Variants in SV2C observed in about 807,000 individuals in gnomAD.
SV2C encodes the protein solute carrier family 22 member B3.
In SV2C, 49 loss-of-function variants were observed where a neutral mutation model predicts 79.7. That is an observed-to-expected ratio of 0.61 (90% CI 0.49 to 0.78). The LOEUF (loss-of-function observed/expected upper bound fraction) is 0.78. SV2C is among the 30% of genes least tolerant of loss of function. SV2C has a pLI of 0.00. For synonymous variants in SV2C, 334 were observed against 333.2 expected, an observed-to-expected ratio of 1.00 and a Z score of -0.03; for missense variants, 833 against 912.9, an observed-to-expected ratio of 0.91 and a Z score of 1.13.
In SV2C at chr5:76,277,173, G is replaced by A. The variant is rs145098402; in HGVS notation, c.914-7989G>A. Among the ~76,000 whole-genome samples the A allele has an allele frequency of 7.2e-5, 11 of 152,344 alleles. No individual in the cohort carries two copies. The East Asian group carries it at 2.1e-3, about 29-fold the overall frequency. The stretch of plus-strand genomic sequence containing the variant: ...GTGGGAATTCAAAATGGCACAACCA[G>A]TGTGCAAAATGGTTTGGCAGTCTGC... On this transcript the variant is annotated intron_variant, in intron 4 of 12. Transcript: ENST00000502798.
chr5:76,270,573 C>T (rs1746814441), intron 4 of SV2C, among the ~76,000 whole-genome samples: 2 of 152,090 alleles, frequency 1.3e-5, no homozygotes, highest in African/African-American at 4.8e-5. Context: ...TGTTTTGAAA[C>T]AAGGTAATAC....
chr5:75,970,432 C>CT, the SV2C span, among the ~76,000 whole-genome samples: 1 of 151,766 alleles, frequency 6.6e-6, no homozygotes, highest in Admixed American at 6.6e-5. Context: ...GCTAGCAAGA[C>CT]TAATAAAGAA....
chr5:76,256,135 G>A (rs1161360880), intron 4 of SV2C, among the ~76,000 whole-genome samples: 1 of 152,138 alleles, frequency 6.6e-6, no homozygotes, highest in Non-Finnish European at 1.5e-5. Flanking sequence ...TTTGTGCTTT[G>A]CCTGCTCTGC....
the SV2C span, among the ~76,000 whole-genome samples, chr5:75,970,103 T>A: frequency 6.6e-6 from 1 of 151,964 alleles, no homozygotes. Flanking sequence ...AAGGCAGAAA[T>A]AAAGATGTTC....
the SV2C span, among the ~76,000 whole-genome samples, chr5:75,985,802 G>C: frequency 1.6e-3 from 250 of 152,024 alleles, no homozygotes; most frequent in Non-Finnish European, 2.3e-3. Flanking sequence ...GCCCACATTA[G>C]TAGATAGAGA....
chr5:75,926,363 T>C, the SV2C span, among the ~76,000 whole-genome samples: 1 of 152,202 alleles, frequency 6.6e-6, no homozygotes, highest in Non-Finnish European at 1.5e-5. Flanking sequence ...ACAGGAGGGA[T>C]TTGGGACATT....
chr5:75,900,694 C>A, the SV2C span, among the ~76,000 whole-genome samples: 10 of 151,744 alleles, frequency 6.6e-5, no homozygotes, highest in African/African-American at 2.4e-4. Flanking sequence ...GTCACTTTCA[C>A]ATGTAGTACA....
At chr5:75,882,199 C>A in the SV2C span, among the ~76,000 whole-genome samples, 2 of 151,338 alleles carry the variant, frequency 1.3e-5, no homozygotes, top group East Asian at 3.9e-4. Flanking sequence ...ATTTGGTTTG[C>A]CAGTATTTTA....
the SV2C span, among the ~76,000 whole-genome samples, chr5:75,953,451 G>C: frequency 1.3e-5 from 2 of 151,856 alleles, no homozygotes; most frequent in Non-Finnish European, 2.9e-5. Context: ...TTCTTTCATG[G>C]ATTCATTTTC....
chr5:76,166,012 G>A (rs994081384), intron 2 of SV2C, among the ~76,000 whole-genome samples: 5 of 152,170 alleles, frequency 3.3e-5, no homozygotes, highest in African/African-American at 4.8e-5. Flanking sequence ...AAGTTGAGCA[G>A]GGGAAGTTGG....
intron 12 of SV2C, among the ~76,000 whole-genome samples, chr5:76,301,904 A>AGT: frequency 8.8e-6 from 1 of 113,732 alleles, no homozygotes; most frequent in Non-Finnish European, 1.8e-5. Context: ...GTGAGACACC[A>AGT]TCTCAAAAAA....
At chr5:75,858,670 G>T in the SV2C span, among the ~76,000 whole-genome samples, 3 of 152,152 alleles carry the variant, frequency 2.0e-5, no homozygotes, top group African/African-American at 4.8e-5. Flanking sequence ...GGTTTGAGTA[G>T]AATTGGTATT....
the SV2C span, chr5:75,921,300 C>T: frequency 4.8e-6 from 7 of 1,466,772 alleles, no homozygotes; most frequent in South Asian, 1.2e-5. Flanking sequence ...TCAAAAGGCT[C>T]CACGAGCTGC....
the SV2C span, among the ~76,000 whole-genome samples, chr5:75,893,616 A>C: frequency 6.6e-6 from 1 of 152,118 alleles, no homozygotes; most frequent in East Asian, 1.9e-4. Flanking sequence ...AAGGAGGCCA[A>C]GAGTTGAAAA....
chr5:75,976,021 C>T, the SV2C span, among the ~76,000 whole-genome samples: 305 of 152,224 alleles, frequency 2.0e-3, 1 homozygote, highest in African/African-American at 6.8e-3. Context: ...TTACTGAAAC[C>T]GTGCAGGAAT....
rs563398045 is a variant in SV2C, at chr5:76,314,794, G to C, written c.2001-10570G>C. ...ACATATCTACCTCCCCTCCCAGTAG[G>C]TGTGGGAATCTATTTTTAAACAGCT... On this transcript the variant is annotated intron_variant, in intron 12 of 12. Coordinates refer to ENST00000502798, the MANE Select transcript of SV2C (RefSeq NM_014979.4). Among the ~76,000 whole-genome samples, 131 of 152,176 alleles carry C rather than the reference G, an allele frequency of 8.6e-4. 1 individual carries two copies. The highest frequency in any genetic ancestry group is 1.7e-3 in the Non-Finnish European group (116 of 68,004).
chr5:75,853,968 A>G, the SV2C span, among the ~76,000 whole-genome samples: 2 of 150,862 alleles, frequency 1.3e-5, no homozygotes, highest in African/African-American at 4.9e-5. Flanking sequence ...TACTACCACA[A>G]TTAAAATATA....
the SV2C span, among the ~76,000 whole-genome samples, chr5:76,041,477 C>T: frequency 6.6e-6 from 1 of 152,104 alleles, no homozygotes; most frequent in Non-Finnish European, 1.5e-5. Flanking sequence ...GCAGAGTTCA[C>T]CCTAGAGAAG....
chr5:75,898,926 A>AT, the SV2C span, among the ~76,000 whole-genome samples: 1 of 151,932 alleles, frequency 6.6e-6, no homozygotes, highest in Non-Finnish European at 1.5e-5. Context: ...CCCCTTTGTC[A>AT]TTTTTTATTG....
Sources: gnomAD v4.1 joint callset for allele counts (sites outside exome capture counted in the v4.1 genomes callset) on GRCh38, gnomAD v4.1.1 for gene constraint, MANE v1.5 for transcripts, NCBI Gene and HGNC (gene_info 2026-07-23, HGNC 2026-07-21) for gene names.